The following CERKL variants were observed in gnomAD, a reference collection of about 807,000 sequenced individuals.
CERKL encodes the protein ceramide kinase-like protein.
A neutral mutation model predicts 63.4 loss-of-function variants in CERKL; 61 were observed. That is an observed-to-expected ratio of 0.96 (90% CI 0.78 to 1.19). The LOEUF is 1.19. CERKL is among the 50% of genes most tolerant of loss of function. The pLI is 0.00. For synonymous variants in CERKL, 250 were observed against 230.5 expected (o/e 1.08, Z -0.77); for missense variants, 675 against 655.5 (o/e 1.03, Z -0.33).
chr2:181,609,429 C>T (rs1685861894), intron 1 of CERKL, among the ~76,000 whole-genome samples: 1 of 149,900 alleles, frequency 6.7e-6, no homozygotes, highest in African/African-American at 2.5e-5. Flanking sequence ...GGCACAGTGG[C>T]TCACACCTGT....
chr2:181,635,340 AAAT>A (rs1687129097), intron 1 of CERKL, among the ~76,000 whole-genome samples: 1 of 152,184 alleles, frequency 6.6e-6, no homozygotes, highest in Non-Finnish European at 1.5e-5. Context: ...TAAAAAATAA[AAAT>A]AACTTTTAGA....
chr2:181,652,936 G>C (rs562294723), intron 1 of CERKL, among the ~76,000 whole-genome samples: 1 of 151,988 alleles, frequency 6.6e-6, no homozygotes, highest in Non-Finnish European at 1.5e-5. Flanking sequence ...CACCACACCC[G>C]GCTAATTTTT....
At chr2:181,640,794 T>A (rs76921356) in intron 1 of CERKL, among the ~76,000 whole-genome samples, 1 of 152,212 alleles carries the variant, frequency 6.6e-6, no homozygotes, top group Non-Finnish European at 1.5e-5. Context: ...GACAACCCCA[T>A]CTGGATTGCC....
At chr2:181,547,370 T>G (rs2105801158) in intron 10 of CERKL, among the ~76,000 whole-genome samples, 1 of 152,312 alleles carries the variant, frequency 6.6e-6, no homozygotes, top group South Asian at 2.1e-4. Context: ...AGGCATAAAA[T>G]TCTATCAATA....
intron 2 of CERKL, among the ~76,000 whole-genome samples, chr2:181,583,607 G>C (rs192533382): frequency 3.1e-4 from 47 of 152,304 alleles, no homozygotes; most frequent in African/African-American, 1.0e-3. Flanking sequence ...TCTTCAGAAT[G>C]AAAGTCCAGC....
chr2:181,603,789 A>C (rs1685555105), intron 2 of CERKL, 48 bp downstream of exon 2: 1 of 1,580,720 alleles, frequency 6.3e-7, no homozygotes, highest in Non-Finnish European at 8.7e-7. Context: ...TTAATCATGT[A>C]TATCAAGGAA....
At chr2:181,613,024 G>T (rs950243276) in intron 1 of CERKL, among the ~76,000 whole-genome samples, 2 of 152,046 alleles carry the variant, frequency 1.3e-5, no homozygotes, top group Non-Finnish European at 2.9e-5. Context: ...CATTTAAGAC[G>T]TAGTCTCTTA....
Position 181,547,824 on chromosome 2 carries a change from G to C in CERKL, c.1157C>G (p.Ser386Cys), listed in dbSNP as rs1403968155. 2 of 1,613,886 alleles carry C rather than the reference G, an allele frequency of 1.2e-6. No individual in the cohort carries two copies. Among genetic ancestry groups the C allele is most frequent in the African/African-American group, 2.7e-5 (2 of 74,856 alleles). The change falls in exon 9 of 13, where the codon TCT becomes TGT. Residue 386 changes from serine (S) to cysteine (C), a missense_variant and splice_region_variant. Coordinates refer to ENST00000410087, the MANE Select transcript of CERKL (RefSeq NM_201548.5). ...CAAGGAGATACTTTTCGACTCACCA[G>C]ATTTGGGAGATCCCTGTGCCCTCCT... ...QERRAQGSPK[S>C]DCNDQWQMIQ... is the part of the protein sequence containing the mutation.
chr2:181,603,628 C>T, intron 2 of CERKL: 1 of 616,768 alleles, frequency 1.6e-6, no homozygotes, highest in South Asian at 1.6e-5. Flanking sequence ...TAAGATACCA[C>T]ATTAACAGGA....
chr2:181,565,779 C>A (rs1165908613), intron 4 of CERKL, among the ~76,000 whole-genome samples: 1 of 152,050 alleles, frequency 6.6e-6, no homozygotes, highest in Admixed American at 6.6e-5. Context: ...ATTATAGATG[C>A]AAATGTATGC....
chr2:181,544,867 GT>G, intron 10 of CERKL, 71 bp from the exon 11 acceptor site: 1 of 855,112 alleles, frequency 1.2e-6, no homozygotes, highest in Non-Finnish European at 1.9e-6. Context: ...ATGACATACT[GT>G]TCCTTATAAC....
At chr2:181,582,177 G>C (rs928774134) in intron 2 of CERKL, among the ~76,000 whole-genome samples, 74 of 152,160 alleles carry the variant, frequency 4.9e-4, no homozygotes, top group Admixed American at 4.8e-3. Context: ...TTGACAATTA[G>C]TATCAACTGA....
intron 1 of CERKL, among the ~76,000 whole-genome samples, chr2:181,613,778 A>G (rs1394219348): frequency 6.6e-6 from 1 of 152,194 alleles, no homozygotes; most frequent in Non-Finnish European, 1.5e-5. Context: ...CACATAGAAA[A>G]TCTGATCTAT....
intron 1 of CERKL, among the ~76,000 whole-genome samples, chr2:181,654,872 A>G (rs894078943): frequency 6.6e-6 from 1 of 151,864 alleles, no homozygotes; most frequent in Admixed American, 6.6e-5. Flanking sequence ...GCAACCTCCA[A>G]CTCCCAGGTT....
intron 10 of CERKL, among the ~76,000 whole-genome samples, chr2:181,546,662 T>C (rs1027653921): frequency 6.6e-6 from 1 of 152,130 alleles, no homozygotes; most frequent in African/African-American, 2.4e-5. Flanking sequence ...CTCTACAGGA[T>C]TGGATTCAGG....
chr2:181,581,022 C>G (rs1480571511), intron 2 of CERKL, among the ~76,000 whole-genome samples: 1 of 152,158 alleles, frequency 6.6e-6, no homozygotes, highest in East Asian at 1.9e-4. Context: ...TACCCTGCTA[C>G]AAGGAGGCAA....
chr2:181,537,877 A>G lies in CERKL; in HGVS notation c.*307T>C. 1.9e-6 allele frequency: 1 copy of G among 538,246 alleles called. No individual in the cohort carries two copies. Among genetic ancestry groups the G allele is most frequent in the Admixed American group, 2.2e-5 (1 of 45,146 alleles). 33.3% of individuals were successfully genotyped at this position (538,246 alleles called of 1,614,324 possible). A position where few individuals can be genotyped will look rare whatever the true frequency, so the allele number is the denominator to read the frequency against. ...CCGTTTGGCCACACAGCAGGAGGTT[A>G]GAGCAATGGAGCATTACTGAGTTCC... On this transcript the variant is annotated 3_prime_UTR_variant, in exon 13 of 13. Coordinates refer to ENST00000410087, the MANE Select transcript of CERKL (RefSeq NM_201548.5).
chr2:181,651,262 C>G (rs1362702687), intron 1 of CERKL, among the ~76,000 whole-genome samples: 8 of 152,086 alleles, frequency 5.3e-5, no homozygotes, highest in African/African-American at 1.9e-4. Flanking sequence ...AACATAGGTG[C>G]AAAAATTCTC....
intron 1 of CERKL, among the ~76,000 whole-genome samples, chr2:181,633,999 C>T (rs555368857): frequency 6.6e-6 from 1 of 152,148 alleles, no homozygotes; most frequent in South Asian, 2.1e-4. Context: ...ATTTTGGAAC[C>T]TAAAGGATCC....
Sources: allele counts gnomAD v4.1 joint callset (sites outside exome capture counted in the v4.1 genomes callset), GRCh38; gene constraint gnomAD v4.1.1; transcripts MANE v1.5; gene names NCBI Gene and HGNC (gene_info 2026-07-23, HGNC 2026-07-21).